Variants in ZFPM1 observed in about 807,000 individuals in gnomAD.
The protein encoded by ZFPM1 is zinc finger protein, FOG family member 1.
ZFPM1 carries 28 observed loss-of-function variants against 46.3 expected under a neutral mutation model. The ratio of observed to expected loss-of-function variants is 0.60; its 90% CI spans 0.45 to 0.83. ZFPM1 has a LOEUF of 0.83. Among genes scored for constraint, ZFPM1 ranks in the 40% least tolerant of loss-of-function variants. The pLI, the probability that ZFPM1 is intolerant of heterozygous loss-of-function variation, is 0.00. For synonymous variants in ZFPM1, 957 were observed against 675.9 expected, an observed-to-expected ratio of 1.42 and a Z score of -6.45; for missense variants, 1,878 against 1,432.4, an observed-to-expected ratio of 1.31 and a Z score of -5.02.
At chr16:88,483,833 G>A (rs1465287187) in intron 1 of ZFPM1, among the ~76,000 whole-genome samples, 2 of 152,230 alleles carry the variant, frequency 1.3e-5, no homozygotes, top group Admixed American at 6.5e-5. Context: ...TGATCAGAGA[G>A]GGGGCTGGAG....
At chr16:88,508,891 G>A (rs111966489) in intron 3 of ZFPM1, among the ~76,000 whole-genome samples, 1 of 152,184 alleles carries the variant, frequency 6.6e-6, no homozygotes, top group Admixed American at 6.5e-5. Context: ...GGTCCTCAGG[G>A]GCCCCGCGGG....
At chr16:88,498,889 C>G (rs903556548) in intron 3 of ZFPM1, among the ~76,000 whole-genome samples, 1 of 152,234 alleles carries the variant, frequency 6.6e-6, no homozygotes, top group African/African-American at 2.4e-5. Context: ...CTGAGCCTTC[C>G]CATGACACCC....
chr16:88,514,273 C>A, intron 3 of ZFPM1, 114 bp from the exon 4 acceptor site: 1 of 1,487,318 alleles, frequency 6.7e-7, no homozygotes, highest in Non-Finnish European at 9.0e-7. Context: ...CTGCCATTCA[C>A]CCCAGGCCCC....
chr16:88,525,119 C>T (rs1158508745), intron 4 of ZFPM1, among the ~76,000 whole-genome samples: 2 of 152,256 alleles, frequency 1.3e-5, no homozygotes, highest in African/African-American at 2.4e-5. Context: ...GAGTGCCCTG[C>T]GGATGGGCCA....
At chr16:88,510,594 C>G (rs1910901581) in intron 3 of ZFPM1, among the ~76,000 whole-genome samples, 1 of 152,228 alleles carries the variant, frequency 6.6e-6, no homozygotes. Flanking sequence ...GTCCTTGTCC[C>G]AGTGCTGTGC....
At chr16:88,524,293 C>T (rs367631919) in intron 4 of ZFPM1, among the ~76,000 whole-genome samples, 13 of 152,298 alleles carry the variant, frequency 8.5e-5, no homozygotes, top group African/African-American at 2.4e-4. Flanking sequence ...CAGTAGCCGC[C>T]GGTCACCCAC....
At chr16:88,502,058 C>T (rs959979769) in intron 3 of ZFPM1, among the ~76,000 whole-genome samples, 2 of 17,210 alleles carry the variant, frequency 1.2e-4, no homozygotes, top group Non-Finnish European at 1.1e-4. Flanking sequence ...CTCCACCCGC[C>T]CCCCCCCATT....
rs1477656623 is a variant in ZFPM1 at position 88,517,512 on chromosome 16, A to ATGGT, written c.402+2995_402+2996insTTGG. Among the ~76,000 whole-genome samples the ATGGT allele has an allele frequency of 6.3e-5, 9 of 143,988 alleles. No individual in the cohort carries two copies. The South Asian group carries it at 8.9e-4, about 14-fold the overall frequency. The allele number at this position is 143,988 out of a possible 152,430, so 94.5% of individuals were successfully genotyped here. A position where few individuals can be genotyped will look rare whatever the true frequency, so the allele number is the denominator to read the frequency against. ...GATGGATGGATGGATGGATGGATGGATGGATGGTTGGATAGGTGGGTGGAT... is the reference window on the plus strand; with the variant it reads ...GATGGATGGATGGATGGATGGATGGATGGTTGGATGGTTGGATAGGTGGGTGGAT... On this transcript the variant is annotated intron_variant, in intron 4 of 9. Coordinates refer to ENST00000319555, the MANE Select transcript of ZFPM1 (RefSeq NM_153813.3).
At chr16:88,515,537 G>C (rs1219339244) in intron 4 of ZFPM1, among the ~76,000 whole-genome samples, 1 of 152,246 alleles carries the variant, frequency 6.6e-6, no homozygotes, top group Non-Finnish European at 1.5e-5. Flanking sequence ...AAGCTTATCT[G>C]TGGTGCAGGG....
chr16:88,456,032 G>T (rs993108658), intron 1 of ZFPM1, among the ~76,000 whole-genome samples: 3 of 152,258 alleles, frequency 2.0e-5, no homozygotes, highest in African/African-American at 7.2e-5. Flanking sequence ...GGAGAACAGC[G>T]CGGGGGCGCC....
rs551229081 is a variant in ZFPM1 at position 88,469,273 on chromosome 16, C to G, written c.40+15595C>G. Among the ~76,000 whole-genome samples the G allele has an allele frequency of 6.6e-6, 1 of 152,352 alleles. No homozygotes were observed. The highest frequency in any genetic ancestry group is 2.1e-4 in the South Asian group (1 of 4,828). On this transcript the variant is annotated intron_variant, in intron 1 of 9. Transcript: ENST00000319555. The surrounding 1 kb of genome is among the most constrained non-coding windows in gnomAD (Gnocchi z 4.3). Reference sequence around the variant, plus strand: ...GGCCGGGCCAGGGACGTGGCACCATCTTAATGAATGACAGTCCCAACCCCT... The same window carrying G: ...GGCCGGGCCAGGGACGTGGCACCATGTTAATGAATGACAGTCCCAACCCCT...
chr16:88,526,118 T>C (rs533000009), intron 4 of ZFPM1, among the ~76,000 whole-genome samples: 1 of 152,294 alleles, frequency 6.6e-6, no homozygotes, highest in South Asian at 2.1e-4. Context: ...GGAAGGGGCC[T>C]GACCAGCCTC....
rs373564006 is a variant in ZFPM1 at position 88,511,856 on chromosome 16, G to A, written c.269-2531G>A. Among the ~76,000 whole-genome samples the A allele has an allele frequency of 7.7e-4, 117 of 152,266 alleles. 2 individuals carry two copies. The South Asian group carries it at 0.019, about 25-fold the overall frequency. ...TCCACCCCCAAGAGGCACCTTTCCCGTGCACAGCCCCTTGGAGACGCATCC... is the reference window on the plus strand; with the variant it reads ...TCCACCCCCAAGAGGCACCTTTCCCATGCACAGCCCCTTGGAGACGCATCC... On this transcript the variant is annotated intron_variant, in intron 3 of 9. Transcript: ENST00000319555.
At chr16:88,495,653 G>A (rs926329645) in intron 3 of ZFPM1, among the ~76,000 whole-genome samples, 2 of 152,160 alleles carry the variant, frequency 1.3e-5, no homozygotes, top group African/African-American at 2.4e-5. Context: ...CATGCTAGGC[G>A]GGGAGTGAGG....
intron 1 of ZFPM1, among the ~76,000 whole-genome samples, chr16:88,479,003 C>A (rs530634134): frequency 6.6e-6 from 1 of 152,348 alleles, no homozygotes; most frequent in Middle Eastern, 3.4e-3. Context: ...CGAGCCTGGG[C>A]TCCCCAGTGG....
rs1907383653 is a variant in ZFPM1 at position 88,453,558 on chromosome 16, G to GGCCCCGCCGCGCCCCCGCC, written c.-76_-58dup. 2.6e-6 allele frequency: 2 copies of GGCCCCGCCGCGCCCCCGCC among 764,774 alleles called. No individual in the cohort carries two copies. Among genetic ancestry groups the GGCCCCGCCGCGCCCCCGCC allele is most frequent in the African/African-American group, 1.9e-5 (1 of 52,322 alleles). 47.4% of individuals were successfully genotyped at this position (764,774 alleles called of 1,614,324 possible). A position where few individuals can be genotyped will look rare whatever the true frequency, so the allele number is the denominator to read the frequency against. ...GGGCCGGGGGCATGAGCGGCCCCGC[G>GGCCCCGCCGCGCCCCCGCC]GCCCCGCCGCGCCCCCGCCGCCCGC... On this transcript the variant is annotated 5_prime_UTR_variant, in exon 1 of 10. The change abolishes the stop of an existing upstream ORF in the 5' untranslated region. Transcript: ENST00000319555.
At position 88,519,038 on chromosome 16, in the gene ZFPM1, GTGGATGGATAGATGGA is replaced by G. The variant is rs1182730110; in HGVS notation, c.402+4528_402+4543del. On this transcript the variant is annotated intron_variant, in intron 4 of 9. Coordinates refer to ENST00000319555, the MANE Select transcript of ZFPM1 (RefSeq NM_153813.3). ...GATGAGTGGGTGGGTGGATGGATGG[GTGGATGGATAGATGGA>G]TGGATGGATGGATGGATGGATGGAT... is the stretch of plus-strand genomic sequence containing the variant. Among the ~76,000 whole-genome samples the G allele has an allele frequency of 7.2e-5, 9 of 125,606 alleles. No individual in the cohort carries two copies. The East Asian group carries it at 2.2e-3, about 30-fold the overall frequency. 82.4% of individuals were successfully genotyped at this position (125,606 alleles called of 152,430 possible). A position where few individuals can be genotyped will look rare whatever the true frequency, so the allele number is the denominator to read the frequency against.
chr16:88,492,380 G>C (rs773073057), intron 3 of ZFPM1, among the ~76,000 whole-genome samples: 2 of 152,124 alleles, frequency 1.3e-5, no homozygotes, highest in African/African-American at 2.4e-5. Context: ...CTGGGGCCCT[G>C]TTCTTGAGGC....
At chr16:88,490,267 T>C (rs1475417185) in intron 3 of ZFPM1, among the ~76,000 whole-genome samples, 1 of 152,100 alleles carries the variant, frequency 6.6e-6, no homozygotes, top group Non-Finnish European at 1.5e-5. Context: ...TTAGCCAGGA[T>C]GGTCTCGATC....
Sources: allele counts gnomAD v4.1 joint callset (sites outside exome capture counted in the v4.1 genomes callset), GRCh38; gene constraint gnomAD v4.1.1; non-coding constraint Gnocchi (gnomAD v3.1); transcripts MANE v1.5; gene names NCBI Gene and HGNC (gene_info 2026-07-23, HGNC 2026-07-21).